The following ASGR1 variants were observed in gnomAD, a reference collection of about 807,000 sequenced individuals.
ASGR1 encodes the protein asialoglycoprotein receptor 1, also known as C-type lectin domain family 4 member H1.
A neutral mutation model predicts 33.1 loss-of-function variants in ASGR1; 35 were observed. The ratio of observed to expected loss-of-function variants is 1.06; its 90% CI spans 0.81 to 1.40. The LOEUF (loss-of-function observed/expected upper bound fraction) is 1.40. Ranked by LOEUF, ASGR1 falls within the 40% of genes most tolerant of loss-of-function variation. ASGR1 has a pLI of 0.00. For synonymous variants in ASGR1, 142 were observed against 152.5 expected (o/e 0.93, Z 0.51); for missense variants, 396 against 373.7 (o/e 1.06, Z -0.49).
In ASGR1 at chr17:7,174,132, C is replaced by T. The variant is rs1455940608; in HGVS notation, c.594+6G>A. On this transcript the variant is annotated splice_donor_region_variant and intron_variant, in intron 7 of 8. Coordinates refer to ENST00000269299, the MANE Select transcript of ASGR1 (RefSeq NM_001671.5). ...AGCCAGCCTCCCAGACCCTCCGGGTCCTCACCTGCTCCTCCCAGGACGTGA... is the reference window on the plus strand; with the variant it reads ...AGCCAGCCTCCCAGACCCTCCGGGTTCTCACCTGCTCCTCCCAGGACGTGA... The T allele has an allele frequency of 1.9e-6, 3 of 1,613,928 alleles. No homozygotes were observed. Among genetic ancestry groups the T allele is most frequent in the Non-Finnish European group, 8.5e-7 (1 of 1,179,952 alleles).
chr17:7,174,213 C>T lies in ASGR1; in HGVS notation c.519G>A (p.Lys173=), dbSNP rs771656399. ...AGTAGTTGTCGGCGTCAGCCCAGGC[C>T]TTCCCGGAGCGAGAGAACCAGTAGC... ...RSCYWFSRSG[K]AWADADNYCR... Residue 173 remains lysine (K), a synonymous_variant, in exon 7 of 9, where the codon AAG becomes AAA. Transcript: ENST00000269299. 7 of 1,614,106 alleles carry T rather than the reference C, an allele frequency of 4.3e-6. No homozygotes were observed. In the African/African-American group the frequency reaches 8.0e-5, roughly 18 times the overall value.
intron 2 of ASGR1, 60 bp from the exon 3 acceptor site, chr17:7,177,386 G>A: frequency 7.2e-7 from 1 of 1,390,622 alleles, no homozygotes; most frequent in Non-Finnish European, 1.0e-6. Flanking sequence ...ACAGCTCCAG[G>A]GTCCTAAAAG....
rs2069160688 is a variant in ASGR1, at chr17:7,173,709, C to T, written c.826G>A (p.Val276Ile). ...DDVCQRPYRW[V>I]CETELDKASQ... is the part of the protein sequence containing the mutation. ...GCCTTGTCCAGCTCTGTCTCGCAGA[C>T]CCAGCGGTAGGGCCTCTGGCAGACG... is the stretch of plus-strand genomic sequence containing the variant. The change falls in exon 9 of 9, where the codon GTC becomes ATC. Residue 276 changes from valine to isoleucine, a missense_variant. Transcript: ENST00000269299. The surrounding 1 kb of genome is among the most constrained non-coding windows in gnomAD (Gnocchi z 4.7). The T allele has an allele frequency of 6.2e-7, 1 of 1,613,930 alleles. No homozygotes were observed. The highest frequency in any genetic ancestry group is 1.7e-5 in the Admixed American group (1 of 60,032).
intron 5 of ASGR1, 34 bp from the exon 6 acceptor site, chr17:7,174,494 A>C (rs754398541): frequency 8.1e-6 from 13 of 1,598,360 alleles, no homozygotes; most frequent in Non-Finnish European, 1.1e-5. Context: ...GCGGGAGGAG[A>C]TGCGGAAACC....
chr17:7,176,516 C>G lies in ASGR1; in HGVS notation c.355+314G>C, dbSNP rs578211010. ...TCATTCTCACACTCAGACACACACCCCCTCTCATTCCCACACACACACCAT... is the reference window on the plus strand; with the variant it reads ...TCATTCTCACACTCAGACACACACCGCCTCTCATTCCCACACACACACCAT... On this transcript the variant is annotated intron_variant, in intron 5 of 8. Coordinates refer to ENST00000269299, the MANE Select transcript of ASGR1 (RefSeq NM_001671.5). 2.0e-4 allele frequency: 93 copies of G among 460,046 alleles called. 1 individual carries two copies. In the African/African-American group the frequency reaches 2.4e-3, roughly 12 times the overall value. 28.5% of individuals were successfully genotyped at this position (460,046 alleles called of 1,614,324 possible).
chr17:7,178,470 G>A (rs1305019820), intron 2 of ASGR1, 24 bp downstream of exon 2: 1 of 1,610,144 alleles, frequency 6.2e-7, no homozygotes, highest in Non-Finnish European at 8.5e-7. Flanking sequence ...TCGCCTTGCA[G>A]AGGCAGGGCA....
At position 7,177,023 on chromosome 17, in the gene ASGR1, T is replaced by G. The variant is rs1255064215; in HGVS notation, c.241A>C (p.Thr81Pro). Reference protein sequence around the residue: ...RGLRETFSNFTASTEAQVKGL... With the variant: ...RGLRETFSNFPASTEAQVKGL... The stretch of plus-strand genomic sequence containing the variant: ...TTGACCTGGGCCTCCGTGCTCGCTG[T>G]GAAGTTGCTGAACGTCTCTCTCAGG... Residue 81 changes from threonine to proline, a missense_variant, in exon 4 of 9, where the codon ACA (threonine) becomes CCA (proline). Physicochemically the swap from Thr to Pro is conservative, Grantham distance 38 (BLOSUM62 -1). Coordinates refer to ENST00000269299, the MANE Select transcript of ASGR1 (RefSeq NM_001671.5). 7.5e-6 allele frequency: 12 copies of G among 1,608,244 alleles called. No homozygotes were observed. Among genetic ancestry groups the G allele is most frequent in the Non-Finnish European group, 9.3e-6 (11 of 1,178,128 alleles).
intron 5 of ASGR1, 109 bp from the exon 6 acceptor site, chr17:7,174,569 G>T (rs1276250376): frequency 3.5e-6 from 4 of 1,129,834 alleles, no homozygotes; most frequent in Middle Eastern, 2.8e-4. Context: ...AACACCCGTC[G>T]CATTGCCACA....
chr17:7,176,397 CCTCATTATCACACTCACAG>C, intron 5 of ASGR1, among the ~76,000 whole-genome samples: 1 of 148,480 alleles, frequency 6.7e-6, no homozygotes, highest in East Asian at 2.1e-4. Context: ...CTCACACACA[CCTCATTATCACACTCACAG>C]ACACACTCCG....
chr17:7,178,724 C>CT (rs1185210556), intron 1 of ASGR1, 136 bp from the exon 2 acceptor site: 127 of 427,440 alleles, frequency 3.0e-4, no homozygotes, highest in South Asian at 8.7e-4. Context: ...TTTTCTTTTT[C>CT]TTTTTTTTCT....
intron 2 of ASGR1, 122 bp downstream of exon 2, chr17:7,178,372 T>C (rs996134498): frequency 6.9e-6 from 7 of 1,018,200 alleles, no homozygotes; most frequent in East Asian, 2.4e-5. Context: ...TTTCCCAGTG[T>C]TGGGGGAGGG....
intron 5 of ASGR1, among the ~76,000 whole-genome samples, chr17:7,174,783 A>ACC (rs2069176019): frequency 6.6e-6 from 1 of 150,672 alleles, no homozygotes. Flanking sequence ...CATACAACAC[A>ACC]CCCTAACCCA....
At chr17:7,174,562 A>C in intron 5 of ASGR1, 102 bp from the exon 6 acceptor site, 1 of 1,233,054 alleles carries the variant, frequency 8.1e-7, no homozygotes, top group Non-Finnish European at 1.1e-6. Context: ...GGACCCGAAC[A>C]CCCGTCGCAT....
Position 7,174,415 on chromosome 17 carries a change from A to G in ASGR1, c.401T>C (p.Leu134Pro). 6.2e-7 allele frequency: 1 copy of G among 1,613,858 alleles called. No individual in the cohort carries two copies. Among genetic ancestry groups the G allele is most frequent in the African/African-American group, 1.3e-5 (1 of 75,024 alleles). The change falls in exon 6 of 9, where the codon CTG becomes CCG. Residue 134 changes from leucine (L) to proline (P), a missense_variant. By Grantham distance (98) the Leu-to-Pro change is moderately conservative (BLOSUM62 -3). Transcript: ENST00000269299. ...CGCCATCTGACAGCTCAGGCTCCGC[A>G]GGTCAGACACGAACTGCTTCACGTG... is the stretch of plus-strand genomic sequence containing the variant. ...LLHVKQFVSD[L>P]RSLSCQMAAL...
intron 5 of ASGR1, among the ~76,000 whole-genome samples, chr17:7,175,658 C>T (rs927767438): frequency 2.7e-4 from 41 of 151,174 alleles, no homozygotes; most frequent in Admixed American, 3.3e-4. Context: ...CACATTCTCA[C>T]ACACATAAAC....
intron 2 of ASGR1, 96 bp downstream of exon 2, chr17:7,178,398 G>C: frequency 1.5e-6 from 2 of 1,296,312 alleles, no homozygotes; most frequent in Non-Finnish European, 2.2e-6. Context: ...GACCCAGAGA[G>C]AGAGCCAGGC....
chr17:7,174,337 G>T lies in ASGR1; in HGVS notation c.442+37C>A, dbSNP rs750202356. On this transcript the variant is annotated intron_variant, in intron 6 of 8. Transcript: ENST00000269299. Reference sequence around the variant, plus strand: ...AGGGGCTAAGCGCTGCCCAGAGAAGGGGGGAGGCAGAGAGCGGGCCGGGCT... The same window carrying T: ...AGGGGCTAAGCGCTGCCCAGAGAAGTGGGGAGGCAGAGAGCGGGCCGGGCT... 9.3e-6 allele frequency: 15 copies of T among 1,613,696 alleles called. No individual in the cohort carries two copies. In the East Asian group the frequency reaches 1.3e-4, roughly 14 times the overall value.
chr17:7,176,792 T>TCACACACA (rs71361405), intron 5 of ASGR1, 38 bp downstream of exon 5: 20,979 of 1,473,950 alleles, frequency 0.014, 202 homozygotes, highest in African/African-American at 0.087. Context: ...TCACTCTCTT[T>TCACACACA]CACACACACA....
chr17:7,173,847 C>T lies in ASGR1; in HGVS notation c.702-14G>A. ...GGCCTCCAGTTCCTGGGGACAGAGC[C>T]AGCTGTGGGCCCCAGGAGGTCGGAT... On this transcript the variant is annotated splice_polypyrimidine_tract_variant and intron_variant, in intron 8 of 8. Transcript: ENST00000269299. This position sits in a 1 kb window ranked among gnomAD's most constrained non-coding sequence, Gnocchi z 4.7. 6.2e-7 allele frequency: 1 copy of T among 1,608,150 alleles called. No individual in the cohort carries two copies. The highest frequency in any genetic ancestry group is 2.2e-5 in the East Asian group (1 of 44,814).
Sources: gnomAD v4.1 joint callset for allele counts (sites outside exome capture counted in the v4.1 genomes callset) on GRCh38, gnomAD v4.1.1 for gene constraint, Gnocchi (gnomAD v3.1) non-coding constraint, MANE v1.5 for transcripts, NCBI Gene and HGNC (gene_info 2026-07-23, HGNC 2026-07-21) for gene names.